The following IL17RD variants were observed in gnomAD, a reference collection of about 807,000 sequenced individuals.
IL17RD encodes interleukin-17 receptor D.
IL17RD carries 52 observed loss-of-function variants against 80.5 expected under a neutral mutation model. The observed-to-expected ratio is 0.65, with a 90% CI of 0.52 to 0.81. The LOEUF (loss-of-function observed/expected upper bound fraction) is 0.81, where lower values mean the gene tolerates loss of function less well. Ranked by LOEUF, IL17RD falls within the 40% of genes least tolerant of loss-of-function variation. The pLI, the probability that IL17RD is intolerant of heterozygous loss-of-function variation, is 0.00. For missense variants in IL17RD, 1,024 were observed against 955.1 expected (o/e 1.07, Z -0.95); for synonymous variants, 416 against 391.8 (o/e 1.06, Z -0.73).
At chr3:57,141,012 C>G (rs1039227268) in intron 1 of IL17RD, among the ~76,000 whole-genome samples, 1 of 151,984 alleles carries the variant, frequency 6.6e-6, no homozygotes, top group African/African-American at 2.4e-5. Flanking sequence ...TCTGCCTCAG[C>G]CTTCTAAGTA....
intron 1 of IL17RD, chr3:57,142,394 G>A: frequency 3.3e-6 from 2 of 607,934 alleles, no homozygotes; most frequent in South Asian, 1.5e-5. Context: ...CAAAGGGTAG[G>A]AGAGACATTT....
intron 1 of IL17RD, among the ~76,000 whole-genome samples, chr3:57,138,822 C>T (rs1254689914): frequency 1.3e-5 from 2 of 151,384 alleles, no homozygotes; most frequent in Admixed American, 6.6e-5. Context: ...GCCTGTAATC[C>T]CAGCTACTCA....
chr3:57,127,702 C>T (rs1385015538), intron 1 of IL17RD, among the ~76,000 whole-genome samples: 7 of 152,044 alleles, frequency 4.6e-5, no homozygotes, highest in Non-Finnish European at 5.9e-5. Flanking sequence ...CCACCAAGCC[C>T]AGCCATACTT....
At position 57,109,687 on chromosome 3, in the gene IL17RD, A is replaced by G. The variant is rs770424092; in HGVS notation, c.430-30T>C. 6 of 1,603,828 alleles carry G rather than the reference A, an allele frequency of 3.7e-6. No homozygotes were observed. In the East Asian group the frequency reaches 8.9e-5, roughly 24 times the overall value. On this transcript the variant is annotated intron_variant, in intron 4 of 12. Transcript: ENST00000296318. ...AAGGGAACAAAAACACAGTGACATC[A>G]TGGAGAAATTACCCACCCCTCCACC...
chr3:57,149,228 G>A (rs1471835155), intron 1 of IL17RD, among the ~76,000 whole-genome samples: 3 of 151,708 alleles, frequency 2.0e-5, no homozygotes, highest in Non-Finnish European at 2.9e-5. Flanking sequence ...CCCAGGAGGT[G>A]GAAGTTGAAG....
intron 1 of IL17RD, among the ~76,000 whole-genome samples, chr3:57,164,490 T>A (rs1037723237): frequency 6.6e-6 from 1 of 152,188 alleles, no homozygotes. Flanking sequence ...CGCGGCCCTT[T>A]GGCGGAAAAA....
chr3:57,138,088 G>C (rs1707762198), intron 1 of IL17RD, among the ~76,000 whole-genome samples: 2 of 152,206 alleles, frequency 1.3e-5, no homozygotes, highest in Admixed American at 1.3e-4. Context: ...GAGATAGCCA[G>C]GGGCTGCGGG....
In IL17RD at chr3:57,090,910, G is replaced by A. The variant is rs963273627; in HGVS notation, c.*5483C>T. The A allele has an allele frequency of 2.6e-5, 4 of 152,172 alleles. No homozygotes were observed. Among genetic ancestry groups the A allele is most frequent in the South Asian group, 2.1e-4 (1 of 4,832 alleles). The allele number at this position is 152,172 out of a possible 1,614,324, so 9.4% of individuals were successfully genotyped here. On this transcript the variant is annotated 3_prime_UTR_variant, in exon 13 of 13. Transcript: ENST00000296318. ...TGTGAGACTTCTGATTGTGCAAAAC[G>A]CAGTGCTTGGTCAATTGAGAGCAGA... is the stretch of plus-strand genomic sequence containing the variant.
At chr3:57,145,501 A>G (rs1266840111) in intron 1 of IL17RD, among the ~76,000 whole-genome samples, 1 of 152,214 alleles carries the variant, frequency 6.6e-6, no homozygotes, top group East Asian at 1.9e-4. Context: ...GTCTCAATTT[A>G]AAAAATAAAA....
intron 1 of IL17RD, among the ~76,000 whole-genome samples, chr3:57,127,855 G>A (rs1459539212): frequency 6.6e-6 from 1 of 152,102 alleles, no homozygotes; most frequent in African/African-American, 2.4e-5. Context: ...AGCAGAATAT[G>A]GGGCCATTTG....
At chr3:57,134,462 C>T in intron 1 of IL17RD, 1 of 849,814 alleles carries the variant, frequency 1.2e-6, no homozygotes, top group East Asian at 2.4e-5. Context: ...TGAGAAGATA[C>T]TGTGAATCTA....
chr3:57,159,633 C>A (rs2060290545), intron 1 of IL17RD, among the ~76,000 whole-genome samples: 1 of 152,064 alleles, frequency 6.6e-6, no homozygotes, highest in Admixed American at 6.5e-5. Context: ...GTAGCTCCAG[C>A]ACAGACAGCC....
At chr3:57,140,578 A>G (rs1465451158) in intron 1 of IL17RD, among the ~76,000 whole-genome samples, 1 of 152,214 alleles carries the variant, frequency 6.6e-6, no homozygotes, top group South Asian at 2.1e-4. Flanking sequence ...GGCATTATTC[A>G]ACATTTGCTG....
rs928786721 is a variant in IL17RD, at chr3:57,090,962, A to G, written c.*5431T>C. 1 of 152,338 alleles carries G rather than the reference A, an allele frequency of 6.6e-6. No individual in the cohort carries two copies. The highest frequency in any genetic ancestry group is 2.4e-5 in the African/African-American group (1 of 41,448). The allele number at this position is 152,338 out of a possible 1,614,324, so 9.4% of individuals were successfully genotyped here. ...CATAAACAAGATCCTGGAGGTGTCT[A>G]TGGTCCAAGCTGAATTTTAAAGAAC... is the stretch of plus-strand genomic sequence containing the variant. On this transcript the variant is annotated 3_prime_UTR_variant, in exon 13 of 13. Transcript: ENST00000296318.
intron 10 of IL17RD, 45 bp downstream of exon 10, chr3:57,102,434 T>A (rs772931677): frequency 1.8e-6 from 2 of 1,124,514 alleles, no homozygotes; most frequent in Non-Finnish European, 2.5e-6. Context: ...CAGCACCCCC[T>A]GGCCTGCCCC....
At chr3:57,149,104 G>C (rs1158716119) in intron 1 of IL17RD, among the ~76,000 whole-genome samples, 1 of 152,142 alleles carries the variant, frequency 6.6e-6, no homozygotes, top group African/African-American at 2.4e-5. Context: ...CTGAGGTCAG[G>C]AGTTCAAGAC....
intron 1 of IL17RD, among the ~76,000 whole-genome samples, chr3:57,124,120 G>T (rs540358886): frequency 6.6e-6 from 1 of 152,272 alleles, no homozygotes; most frequent in South Asian, 2.1e-4. Flanking sequence ...ATGCATCACA[G>T]ATGCTCTATA....
chr3:57,134,692 C>G (rs540946433), intron 1 of IL17RD: 1 of 712,370 alleles, frequency 1.4e-6, no homozygotes, highest in African/African-American at 1.7e-5. Flanking sequence ...ATCATCAAGA[C>G]TTTGTCTAAG....
At chr3:57,145,972 T>C (rs1707916053) in intron 1 of IL17RD, among the ~76,000 whole-genome samples, 1 of 152,118 alleles carries the variant, frequency 6.6e-6, no homozygotes, top group East Asian at 1.9e-4. Context: ...ATTCTCTTTA[T>C]GGGTAATGTG....
Sources: allele counts gnomAD v4.1 joint callset (sites outside exome capture counted in the v4.1 genomes callset), GRCh38; gene constraint gnomAD v4.1.1; transcripts MANE v1.5; gene names NCBI Gene and HGNC (gene_info 2026-07-23, HGNC 2026-07-21).